GNB1: variants seen among roughly 807,000 people sequenced by gnomAD.
GNB1 encodes the protein G protein subunit beta 1, also known as guanine nucleotide-binding protein G(I)/G(S)/G(T) subunit beta-1.
Under a neutral mutation model 42.9 loss-of-function variants are expected in GNB1, and 2 were observed. That is an observed-to-expected ratio of 0.05 (90% confidence interval 0.02 to 0.15). The LOEUF (loss-of-function observed/expected upper bound fraction) is 0.15, where lower values mean the gene tolerates loss of function less well. GNB1 is among the 10% of genes least tolerant of loss of function. The pLI, the probability that GNB1 is intolerant of heterozygous loss-of-function variation, is 1.00. For synonymous variants in GNB1, 183 were observed against 174.7 expected (o/e 1.05, Z -0.38); for missense variants, 193 against 462.2 (o/e 0.42, Z 5.34).
chr1:1,817,696 G>A, intron 4 of GNB1, 141 bp downstream of exon 4: 1 of 575,994 alleles, frequency 1.7e-6, no homozygotes, highest in Non-Finnish European at 3.2e-6. Flanking sequence ...CCATCAGAAT[G>A]ACTTCTTAAT....
chr1:1,872,925 T>G (rs902372414), intron 1 of GNB1, among the ~76,000 whole-genome samples: 1 of 152,190 alleles, frequency 6.6e-6, no homozygotes, highest in Non-Finnish European at 1.5e-5. Context: ...TAACTGGGCA[T>G]CCTAAAGCAG....
At position 1,786,923 on chromosome 1, in the gene GNB1, A is replaced by G. The variant is rs1407832468; in HGVS notation, c.*140T>C. 4 of 153,576 alleles carry G rather than the reference A, an allele frequency of 2.6e-5. No homozygotes were observed. The highest frequency in any genetic ancestry group is 9.6e-5 in the African/African-American group (4 of 41,508). The allele number at this position is 153,576 out of a possible 1,614,324, so 9.5% of individuals were successfully genotyped here. A position where few individuals can be genotyped will look rare whatever the true frequency, so the allele number is the denominator to read the frequency against. On this transcript the variant is annotated 3_prime_UTR_variant, in exon 12 of 12. Transcript: ENST00000378609. ...TTGGTTTCAGCAATAAGTGAAGGAAAAAAGATCTTGCCCTTTTGAAGTTCT... is the reference window on the plus strand; with the variant it reads ...TTGGTTTCAGCAATAAGTGAAGGAAGAAAGATCTTGCCCTTTTGAAGTTCT...
chr1:1,843,639 T>C (rs1237041682), intron 1 of GNB1, among the ~76,000 whole-genome samples: 1 of 152,136 alleles, frequency 6.6e-6, no homozygotes, highest in Non-Finnish European at 1.5e-5. Flanking sequence ...TGGAGAGTTG[T>C]CTGGACCCAT....
At chr1:1,878,577 G>C (rs1649672292) in intron 1 of GNB1, among the ~76,000 whole-genome samples, 1 of 152,096 alleles carries the variant, frequency 6.6e-6, no homozygotes, top group Non-Finnish European at 1.5e-5. Context: ...GAGCCCTACA[G>C]CAGACTCGTC....
chr1:1,855,333 A>G lies in GNB1; in HGVS notation c.-95-16095T>C, dbSNP rs979788786. ...CAAGACACTGTGTCAAAAAAAAAAA[A>G]AAAGAAAAGAAAAGAAGAAAAAAGA... On this transcript the variant is annotated intron_variant, in intron 1 of 11. Coordinates refer to ENST00000378609, the MANE Select transcript of GNB1 (RefSeq NM_002074.5). Among the ~76,000 whole-genome samples, 2 of 151,112 alleles carry G rather than the reference A, an allele frequency of 1.3e-5. 1 individual carries two copies. The highest frequency in any genetic ancestry group is 3.9e-4 in the East Asian group (2 of 5,134).
At chr1:1,874,342 C>T (rs1649412725) in intron 1 of GNB1, among the ~76,000 whole-genome samples, 1 of 152,046 alleles carries the variant, frequency 6.6e-6, no homozygotes, top group South Asian at 2.1e-4. Flanking sequence ...TGGTGGCTCA[C>T]GCGTGTCTGT....
At chr1:1,799,498 T>C (rs1489103877) in intron 7 of GNB1, among the ~76,000 whole-genome samples, 3 of 152,178 alleles carry the variant, frequency 2.0e-5, no homozygotes, top group African/African-American at 4.8e-5. Context: ...AGAGAACACC[T>C]TTCCAAAAAG....
chr1:1,885,275 T>A lies in GNB1; in HGVS notation c.-96+5545A>T, dbSNP rs1023212055. Among the ~76,000 whole-genome samples the A allele has an allele frequency of 4.0e-5, 6 of 150,888 alleles. No homozygotes were observed. In the South Asian group the frequency reaches 1.3e-3, roughly 32 times the overall value. On this transcript the variant is annotated intron_variant, in intron 1 of 11. Transcript: ENST00000378609. Reference sequence around the variant, plus strand: ...TAAAACTACAAAAATTAGCCAGGCATGGTGGCGGGCACCTGTAATCTCAGC... The same window carrying A: ...TAAAACTACAAAAATTAGCCAGGCAAGGTGGCGGGCACCTGTAATCTCAGC...
chr1:1,854,949 A>T (rs946630136), intron 1 of GNB1, among the ~76,000 whole-genome samples: 1 of 152,082 alleles, frequency 6.6e-6, no homozygotes, highest in African/African-American at 2.4e-5. Flanking sequence ...TCACGAGGTC[A>T]GGAGTTCAAG....
At chr1:1,796,713 G>C (rs143123208) in intron 7 of GNB1, among the ~76,000 whole-genome samples, 10 of 152,344 alleles carry the variant, frequency 6.6e-5, no homozygotes, top group African/African-American at 2.2e-4. Context: ...TGTGCACCCA[G>C]TGAGGAGGTG....
At chr1:1,829,703 CAAG>C (rs774146237) in intron 2 of GNB1, among the ~76,000 whole-genome samples, 45 of 151,992 alleles carry the variant, frequency 3.0e-4, no homozygotes, top group Middle Eastern at 3.4e-3. Flanking sequence ...TTTGTGTGTA[CAAG>C]AAGGACAAAC....
At chr1:1,795,072 G>T (rs1463362633) in intron 7 of GNB1, among the ~76,000 whole-genome samples, 2 of 152,194 alleles carry the variant, frequency 1.3e-5, no homozygotes, top group East Asian at 3.9e-4. Flanking sequence ...GCCTACGAAA[G>T]TATGCGTGGT....
chr1:1,878,252 G>A (rs930050480), intron 1 of GNB1, among the ~76,000 whole-genome samples: 1 of 152,196 alleles, frequency 6.6e-6, no homozygotes, highest in Admixed American at 6.5e-5. Context: ...AGGGCAAAAC[G>A]CAAGTGCACC....
intron 4 of GNB1, among the ~76,000 whole-genome samples, chr1:1,816,424 G>C (rs2100867549): frequency 1.3e-5 from 2 of 152,138 alleles, no homozygotes; most frequent in African/African-American, 4.8e-5. Context: ...TACAATAGTG[G>C]GTTTTAAAAA....
intron 1 of GNB1, among the ~76,000 whole-genome samples, chr1:1,851,962 GA>G (rs1388058372): frequency 2.6e-5 from 4 of 151,590 alleles, no homozygotes; most frequent in African/African-American, 9.7e-5. Context: ...AGAAATGCTT[GA>G]ACCCAGGAGG....
intron 1 of GNB1, among the ~76,000 whole-genome samples, chr1:1,850,234 G>A (rs552096440): frequency 5.3e-5 from 8 of 152,012 alleles, no homozygotes; most frequent in African/African-American, 1.7e-4. Context: ...AGGTTCAAGC[G>A]ATTCTCCTGC....
intron 1 of GNB1, among the ~76,000 whole-genome samples, chr1:1,841,988 C>A (rs930039582): frequency 6.6e-6 from 1 of 152,216 alleles, no homozygotes; most frequent in African/African-American, 2.4e-5. Flanking sequence ...GTGGTCTATC[C>A]AAACAATTGA....
chr1:1,846,250 G>A (rs1227985891), intron 1 of GNB1, among the ~76,000 whole-genome samples: 1 of 151,958 alleles, frequency 6.6e-6, no homozygotes, highest in Non-Finnish European at 1.5e-5. Flanking sequence ...CTTCTTTACA[G>A]AGGAATGCCA....
chr1:1,817,122 C>T (rs1274671614), intron 4 of GNB1, among the ~76,000 whole-genome samples: 8 of 152,130 alleles, frequency 5.3e-5, no homozygotes, highest in African/African-American at 1.9e-4. Flanking sequence ...CCCTAACACC[C>T]CTGCTGGCCA....
Sources: allele counts gnomAD v4.1 joint callset (sites outside exome capture counted in the v4.1 genomes callset), GRCh38; gene constraint gnomAD v4.1.1; transcripts MANE v1.5; gene names NCBI Gene and HGNC (gene_info 2026-07-23, HGNC 2026-07-21).